IFI44L: variants seen among roughly 807,000 people sequenced by gnomAD.
IFI44L encodes interferon induced protein 44 like.
IFI44L carries 40 observed loss-of-function variants against 39.3 expected under a neutral mutation model. The ratio of observed to expected loss-of-function variants is 1.02; its 90% confidence interval spans 0.79 to 1.33. The LOEUF is 1.33. Ranked by LOEUF, IFI44L falls within the 40% of genes most tolerant of loss-of-function variation. The probability of loss-of-function intolerance (pLI) is 0.00; values close to 1 mark genes in which losing one functional copy is unlikely to be tolerated. For missense variants in IFI44L, 623 were observed against 549.0 expected, an observed-to-expected ratio of 1.13 and a Z score of -1.35; for synonymous variants, 198 against 182.3, an observed-to-expected ratio of 1.09 and a Z score of -0.69.
Position 78,628,090 on chromosome 1 carries a change from A to T in IFI44L, c.175A>T (p.Asn59Tyr). The change falls in exon 2 of 9, where the codon AAT becomes TAT. Residue 59 changes from asparagine to tyrosine, a missense_variant. Transcript: ENST00000370751. ...TATAACAATGGCTTACATTGATTAC[A>T]ATATGATTGTAGCCTTTATGCTTGG... is the stretch of plus-strand genomic sequence containing the variant. ...CTITMAYIDYNMIVAFMLGNY... is the reference protein window; with the variant it reads ...CTITMAYIDYYMIVAFMLGNY... 1 of 1,613,130 alleles carries T rather than the reference A, an allele frequency of 6.2e-7. No homozygotes were observed. The highest frequency in any genetic ancestry group is 2.2e-5 in the East Asian group (1 of 44,754).
In IFI44L at chr1:78,635,639, T is replaced by G. The variant is rs918012824; in HGVS notation, c.876+150T>G. Reference sequence around the variant, plus strand: ...TACTTTGAATGAATAAGAATTCATATGAAAAAGTAGAGTGACTATTGTTCT... The same window carrying G: ...TACTTTGAATGAATAAGAATTCATAGGAAAAAGTAGAGTGACTATTGTTCT... On this transcript the variant is annotated intron_variant, in intron 5 of 8. Coordinates refer to ENST00000370751, the MANE Select transcript of IFI44L (RefSeq NM_006820.4). The G allele has an allele frequency of 6.1e-5, 41 of 672,994 alleles. No individual in the cohort carries two copies. In the South Asian group the frequency reaches 7.7e-4, roughly 13 times the overall value. The allele number at this position is 672,994 out of a possible 1,614,324, so 41.7% of individuals were successfully genotyped here.
At position 78,637,064 on chromosome 1, in the gene IFI44L, T is replaced by G. The variant is rs1464572826; in HGVS notation, c.909T>G (p.His303Gln). The G allele has an allele frequency of 6.2e-7, 1 of 1,612,196 alleles. No individual in the cohort carries two copies. The highest frequency in any genetic ancestry group is 8.5e-7 in the Non-Finnish European group (1 of 1,178,486). Residue 303 changes from histidine (H) to glutamine (Q), a missense_variant, in exon 6 of 9, where the codon CAT (histidine) becomes CAG (glutamine). Transcript: ENST00000370751. ...CCCGTAAACCAATTACACCTGAGCA[T>G]TCTACTTTTATCACCTCTCCATCTC... ...FNSRKPITPE[H>Q]STFITSPSLK...
intron 4 of IFI44L, among the ~76,000 whole-genome samples, chr1:78,633,602 A>G (rs1443329533): frequency 1.3e-5 from 2 of 152,166 alleles, no homozygotes; most frequent in African/African-American, 4.8e-5. Context: ...GACAAAGGCA[A>G]TCTGCAAAGA....
Position 78,628,196 on chromosome 1 carries a change from C to G in IFI44L, c.281C>G (p.Thr94Ser). ...TCACTTCAAAAGAAAAATGACACCACTGAAATAGAAACTTTACTCTTAAAT... is the reference window on the plus strand; with the variant it reads ...TCACTTCAAAAGAAAAATGACACCAGTGAAATAGAAACTTTACTCTTAAAT... Reference protein sequence around the residue: ...WFSLQKKNDTTEIETLLLNTA... With the variant: ...WFSLQKKNDTSEIETLLLNTA... The change falls in exon 2 of 9, where the codon ACT becomes AGT. Residue 94 changes from threonine to serine, a missense_variant. By Grantham distance (58) the Thr-to-Ser change is moderately conservative (BLOSUM62 1). Transcript: ENST00000370751. 6.2e-7 allele frequency: 1 copy of G among 1,612,798 alleles called. No individual in the cohort carries two copies. The highest frequency in any genetic ancestry group is 8.5e-7 in the Non-Finnish European group (1 of 1,179,416).
At position 78,628,314 on chromosome 1, in the gene IFI44L, T is replaced by A. The variant is rs760904075; in HGVS notation, c.399T>A (p.Asp133Glu). 3 of 1,603,432 alleles carry A rather than the reference T, an allele frequency of 1.9e-6. No homozygotes were observed. The highest frequency in any genetic ancestry group is 1.7e-5 in the Admixed American group (1 of 58,936). The change falls in exon 2 of 9, where the codon GAT (aspartate) becomes GAA (glutamate). Residue 133 changes from aspartate to glutamate, a missense_variant. Coordinates refer to ENST00000370751, the MANE Select transcript of IFI44L (RefSeq NM_006820.4). ...IICRDNKIYL[D>E]KMITRNLKLR... ...GTCGAGATAATAAAATTTATCTAGA[T>A]AAAATGATAACAAGAAACTTGAAAC...
At chr1:78,632,190 A>G (rs1346984941) in intron 4 of IFI44L, among the ~76,000 whole-genome samples, 2 of 152,152 alleles carry the variant, frequency 1.3e-5, no homozygotes, top group African/African-American at 4.8e-5. Flanking sequence ...ATACTTGGAT[A>G]TTTGGCAGGT....
At chr1:78,623,978 G>T (rs1652387232) in intron 1 of IFI44L, among the ~76,000 whole-genome samples, 1 of 151,870 alleles carries the variant, frequency 6.6e-6, no homozygotes, top group African/African-American at 2.4e-5. Context: ...ATATTCATTT[G>T]CCTCAACATT....
rs1647028308 is a variant in IFI44L, at chr1:78,644,684, G to A, written c.*2875G>A. On this transcript the variant is annotated 3_prime_UTR_variant, in exon 9 of 9. Coordinates refer to ENST00000370751, the MANE Select transcript of IFI44L (RefSeq NM_006820.4). ...TTTTTGAAACTTTACATTCTTTACG[G>A]TTAAGCAAGATGTACAGCTCAGTCA... is the stretch of plus-strand genomic sequence containing the variant. The A allele has an allele frequency of 6.6e-6, 1 of 152,084 alleles. No individual in the cohort carries two copies. Among genetic ancestry groups the A allele is most frequent in the African/African-American group, 2.4e-5 (1 of 41,420 alleles). 9.4% of individuals were successfully genotyped at this position (152,084 alleles called of 1,614,324 possible).
Position 78,635,476 on chromosome 1 carries a change from C to T in IFI44L, c.863C>T (p.Pro288Leu). ...CCCCACATCTTAAAAGGTTGTATGCCAGACAGATATCAGGTAAGATTTCTT... is the reference window on the plus strand; with the variant it reads ...CCCCACATCTTAAAAGGTTGTATGCTAGACAGATATCAGGTAAGATTTCTT... ...DIPHILKGCM[P>L]DRYQFNSRKP... Residue 288 changes from proline (P) to leucine (L), a missense_variant, in exon 5 of 9, where the codon CCA becomes CTA. Transcript: ENST00000370751. The T allele has an allele frequency of 6.2e-7, 1 of 1,612,154 alleles. No individual in the cohort carries two copies. The highest frequency in any genetic ancestry group is 1.1e-5 in the South Asian group (1 of 90,518).
At chr1:78,622,040 T>C (rs1384373153) in intron 1 of IFI44L, among the ~76,000 whole-genome samples, 3 of 152,184 alleles carry the variant, frequency 2.0e-5, no homozygotes, top group Non-Finnish European at 4.4e-5. Flanking sequence ...TATTTAACTG[T>C]ATATTTGTAC....
chr1:78,627,848 TA>T, intron 1 of IFI44L, 57 bp from the exon 2 acceptor site: 1 of 956,298 alleles, frequency 1.0e-6, no homozygotes, highest in Non-Finnish European at 1.4e-6. Context: ...AGTGGAAACC[TA>T]AGCTATAAGC....
intron 5 of IFI44L, chr1:78,636,801 A>G (rs1652965017): frequency 4.7e-6 from 2 of 429,484 alleles, no homozygotes; most frequent in African/African-American, 2.1e-5. Context: ...ACAATGGATA[A>G]TTATCATTTT....
In IFI44L at chr1:78,641,579, T is replaced by C. The variant is rs1336223537; in HGVS notation, c.1294T>C (p.Phe432Leu). ...GCAGATGCTGCGGGCTGCAGATGAT[T>C]TTTTAGAAGATTTGCCTCTTGAGGA... is the stretch of plus-strand genomic sequence containing the variant. ...LRQMLRAADDFLEDLPLEETG... is the reference protein window; with the variant it reads ...LRQMLRAADDLLEDLPLEETG... Residue 432 changes from phenylalanine to leucine, a missense_variant, in exon 8 of 9, where the codon TTT (phenylalanine) becomes CTT (leucine). By Grantham distance (22) the Phe-to-Leu change is conservative (BLOSUM62 0). Transcript: ENST00000370751. The C allele has an allele frequency of 6.2e-7, 1 of 1,613,632 alleles. No homozygotes were observed. Among genetic ancestry groups the C allele is most frequent in the East Asian group, 2.2e-5 (1 of 44,862 alleles).
At chr1:78,626,778 C>T (rs2100479279) in intron 1 of IFI44L, 1 of 151,904 alleles carries the variant, frequency 6.6e-6, no homozygotes. Flanking sequence ...TTAGTGCATC[C>T]ATCACTCAAG....
intron 7 of IFI44L, 94 bp from the exon 8 acceptor site, chr1:78,641,341 G>A: frequency 1.7e-6 from 2 of 1,172,506 alleles, no homozygotes; most frequent in Non-Finnish European, 2.4e-6. Context: ...TTAAGCCATT[G>A]CTTTTTTGGT....
chr1:78,622,059 C>T (rs192389060), intron 1 of IFI44L, among the ~76,000 whole-genome samples: 1 of 152,072 alleles, frequency 6.6e-6, no homozygotes, highest in Non-Finnish European at 1.5e-5. Flanking sequence ...ACTCATTAAC[C>T]TACATCTCTT....
rs183320998 is a variant in IFI44L, at chr1:78,635,243, G to A, written c.724-94G>A. The A allele has an allele frequency of 5.7e-4, 578 of 1,008,600 alleles. 1 individual carries two copies. In the African/African-American group the frequency reaches 7.5e-3, roughly 13 times the overall value. 62.5% of individuals were successfully genotyped at this position (1,008,600 alleles called of 1,614,324 possible). A position where few individuals can be genotyped will look rare whatever the true frequency, so the allele number is the denominator to read the frequency against. On this transcript the variant is annotated intron_variant, in intron 4 of 8. Transcript: ENST00000370751. ...GACCAAACTGTTTGAGGACCATGGT[G>A]TTCAAATATTAACCAATCTCTTTTC...
chr1:78,641,765 T>C lies in IFI44L; in HGVS notation c.1325-10T>C. Reference sequence around the variant, plus strand: ...TGTTTCATTTCCACTCTTGTTTGTTTCATTTTCAGGTGCAATTGAGAGAGC... The same window carrying C: ...TGTTTCATTTCCACTCTTGTTTGTTCCATTTTCAGGTGCAATTGAGAGAGC... On this transcript the variant is annotated splice_polypyrimidine_tract_variant and intron_variant, in intron 8 of 8. Transcript: ENST00000370751. The C allele has an allele frequency of 1.2e-6, 2 of 1,613,734 alleles. No individual in the cohort carries two copies. Among genetic ancestry groups the C allele is most frequent in the African/African-American group, 2.7e-5 (2 of 75,020 alleles).
In IFI44L at chr1:78,642,209, G is replaced by A. The variant is rs11550031; in HGVS notation, c.*400G>A. On this transcript the variant is annotated 3_prime_UTR_variant, in exon 9 of 9. Coordinates refer to ENST00000370751, the MANE Select transcript of IFI44L (RefSeq NM_006820.4). ...GATTGTGAGTTCTTTGAGAAACAGCGTGGATTTTACTTATCTGTGTATTCA... is the reference window on the plus strand; with the variant it reads ...GATTGTGAGTTCTTTGAGAAACAGCATGGATTTTACTTATCTGTGTATTCA... 2.2e-4 allele frequency: 45 copies of A among 204,830 alleles called. No homozygotes were observed. The highest frequency in any genetic ancestry group is 2.0e-3 in the East Asian group (16 of 7,818). The allele number at this position is 204,830 out of a possible 1,614,324, so 12.7% of individuals were successfully genotyped here. A position where few individuals can be genotyped will look rare whatever the true frequency, so the allele number is the denominator to read the frequency against.
Sources: gnomAD v4.1 joint callset for allele counts (sites outside exome capture counted in the v4.1 genomes callset) on GRCh38, gnomAD v4.1.1 for gene constraint, MANE v1.5 for transcripts, NCBI Gene and HGNC (gene_info 2026-07-23, HGNC 2026-07-21) for gene names.